ZNF337: variants seen among roughly 807,000 people sequenced by gnomAD.
ZNF337 encodes the protein zinc finger protein 337.
Under a neutral mutation model 12.1 loss-of-function variants are expected in ZNF337, and 8 were observed. The observed-to-expected ratio is 0.66, with a 90% CI of 0.39 to 1.19. The LOEUF is 1.19. Among genes scored for constraint, ZNF337 ranks in the 50% most tolerant of loss-of-function variants. The probability of loss-of-function intolerance (pLI) is 0.01; values close to 1 mark genes in which losing one functional copy is unlikely to be tolerated. For synonymous variants in ZNF337, 336 were observed against 320.0 expected (o/e 1.05, Z -0.53); for missense variants, 882 against 896.6 (o/e 0.98, Z 0.21).
chr20:25,677,269 C>A, intron 4 of ZNF337: 1 of 440,388 alleles, frequency 2.3e-6, no homozygotes, highest in Non-Finnish European at 4.0e-6. Context: ...AAGGACACAG[C>A]AAAAACAGAG....
chr20:25,676,413 T>G lies in ZNF337; in HGVS notation c.875A>C (p.Tyr292Ser). The change falls in exon 5 of 5, where the codon TAT becomes TCT. Residue 292 changes from tyrosine (Y) to serine (S), a missense_variant. Coordinates refer to ENST00000252979, the MANE Select transcript of ZNF337 (RefSeq NM_015655.4). ...CCTTCGCCCACACTCCTGGCATTCA[T>G]AAGGCTTCTCTCCTGTGTGTGTTCT... ...HERTHTGEKPYECQECGRRFN... is the reference protein window; with the variant it reads ...HERTHTGEKPSECQECGRRFN... 6.2e-7 allele frequency: 1 copy of G among 1,614,038 alleles called. No homozygotes were observed. The highest frequency in any genetic ancestry group is 8.5e-7 in the Non-Finnish European group (1 of 1,180,002).
At chr20:25,688,624 A>G (rs1373391213) in intron 1 of ZNF337, among the ~76,000 whole-genome samples, 1 of 152,214 alleles carries the variant, frequency 6.6e-6, no homozygotes, top group African/African-American at 2.4e-5. Flanking sequence ...TTTACCCTGA[A>G]TAGGTGTGAA....
chr20:25,680,169 G>C (rs1222873652), intron 4 of ZNF337, among the ~76,000 whole-genome samples: 1 of 152,128 alleles, frequency 6.6e-6, no homozygotes, highest in East Asian at 1.9e-4. Context: ...AAGAGCAGTT[G>C]ATTATGGGTA....
intron 1 of ZNF337, among the ~76,000 whole-genome samples, chr20:25,687,674 T>C (rs941279755): frequency 1.3e-5 from 2 of 152,238 alleles, no homozygotes; most frequent in African/African-American, 4.8e-5. Context: ...GAAGCTGCCT[T>C]TCCTTTTGTT....
chr20:25,675,529 G>C lies in ZNF337; in HGVS notation c.1759C>G (p.Leu587Val). The C allele has an allele frequency of 6.2e-7, 1 of 1,613,960 alleles. No homozygotes were observed. The highest frequency in any genetic ancestry group is 8.5e-7 in the Non-Finnish European group (1 of 1,179,982). ...CGRGFILKST[L>V]LFHQKTHSGE... ...GAGTGTGTCTTCTGGTGGAAGAGGA[G>C]AGTTGATTTTAGGATGAAGCCTCGC... is the stretch of plus-strand genomic sequence containing the variant. Residue 587 changes from leucine to valine, a missense_variant, in exon 5 of 5, where the codon CTC (leucine) becomes GTC (valine). Leu to Val is a conservative substitution (Grantham distance 32). Transcript: ENST00000252979.
rs1026415123 is a variant in ZNF337, at chr20:25,673,871, A to G, written c.*1161T>C. ...TTGTAGGCACTTTCCCTACATTTTCAAAGGCCTGCATCATCACATCTGCCA... is the reference window on the plus strand; with the variant it reads ...TTGTAGGCACTTTCCCTACATTTTCGAAGGCCTGCATCATCACATCTGCCA... On this transcript the variant is annotated 3_prime_UTR_variant, in exon 5 of 5. Coordinates refer to ENST00000252979, the MANE Select transcript of ZNF337 (RefSeq NM_015655.4). 3.5e-4 allele frequency: 54 copies of G among 152,272 alleles called. No individual in the cohort carries two copies. The highest frequency in any genetic ancestry group is 1.3e-3 in the African/African-American group (54 of 41,554). 9.4% of individuals were successfully genotyped at this position (152,272 alleles called of 1,614,324 possible).
intron 3 of ZNF337, 92 bp from the exon 4 acceptor site, chr20:25,685,754 A>G: frequency 3.2e-6 from 4 of 1,263,106 alleles, no homozygotes. Context: ...AGGGAGGGAG[A>G]ATCAGAGGGG....
rs181768215 is a variant in ZNF337, at chr20:25,688,600, A to G, written c.-49-2134T>C. Among the ~76,000 whole-genome samples the G allele has an allele frequency of 3.9e-5, 6 of 152,314 alleles. No individual in the cohort carries two copies. In the East Asian group the frequency reaches 1.2e-3, roughly 29 times the overall value. ...TTAAGGGAAATTCTTTCTATTCCTC[A>G]TTTACTGAGAATTTTTACCCTGAAT... On this transcript the variant is annotated intron_variant, in intron 1 of 4. Transcript: ENST00000252979.
At position 25,674,500 on chromosome 20, in the gene ZNF337, T is replaced by G. The variant is rs1477462963; in HGVS notation, c.*532A>C. 6.5e-6 allele frequency: 1 copy of G among 154,448 alleles called. No individual in the cohort carries two copies. The highest frequency in any genetic ancestry group is 1.9e-4 in the East Asian group (1 of 5,260). The allele number at this position is 154,448 out of a possible 1,614,324, so 9.6% of individuals were successfully genotyped here. ...ATCACTTCCCAAAGGTCCCACCTCC[T>G]AATACTTACACTGTTTCAACAGTAA... On this transcript the variant is annotated 3_prime_UTR_variant, in exon 5 of 5. Transcript: ENST00000252979.
chr20:25,685,926 G>A, intron 3 of ZNF337, 70 bp downstream of exon 3: 1 of 1,553,600 alleles, frequency 6.4e-7, no homozygotes, highest in East Asian at 2.2e-5. Context: ...TCTTGTCTCT[G>A]AACCTAACCC....
At position 25,685,207 on chromosome 20, in the gene ZNF337, A is replaced by T. The variant is rs190163006; in HGVS notation, c.250+360T>A. 1.4e-3 allele frequency among the ~76,000 whole-genome samples: 211 copies of T among 152,240 alleles called. 2 individuals are homozygous for T. The highest frequency in any genetic ancestry group is 2.1e-3 in the Non-Finnish European group (145 of 68,034). ...TATTTACTTACACAGAAAAATAATT[A>T]AAAAACAAAACAAAACAAAACAAAA... On this transcript the variant is annotated intron_variant, in intron 4 of 4. Transcript: ENST00000252979.
chr20:25,687,563 A>C (rs1188601853), intron 1 of ZNF337, among the ~76,000 whole-genome samples: 1 of 152,238 alleles, frequency 6.6e-6, no homozygotes, highest in Non-Finnish European at 1.5e-5. Context: ...TTGAGACAGA[A>C]GTGAACAAAT....
In ZNF337 at chr20:25,676,847, G is replaced by A; in HGVS notation, c.441C>T (p.Asn147=). The A allele has an allele frequency of 6.2e-7, 1 of 1,614,098 alleles. No individual in the cohort carries two copies. Among genetic ancestry groups the A allele is most frequent in the South Asian group, 1.1e-5 (1 of 91,070 alleles). The change falls in exon 5 of 5, where the codon AAC becomes AAT. Residue 147 remains asparagine, a synonymous_variant. Transcript: ENST00000252979. ...LRHAVSSRRR[N]SVVEIESSQG... ...GACTAGACTCTATTTCCACTACACTGTTCCTCCTCCTTGAGCTTACTGCAT... is the reference window on the plus strand; with the variant it reads ...GACTAGACTCTATTTCCACTACACTATTCCTCCTCCTTGAGCTTACTGCAT...
At chr20:25,678,787 G>C (rs191127865) in intron 4 of ZNF337, among the ~76,000 whole-genome samples, 1 of 151,606 alleles carries the variant, frequency 6.6e-6, no homozygotes, top group Non-Finnish European at 1.5e-5. Context: ...CATTACAAAA[G>C]GTTAAAAAAA....
chr20:25,676,734 C>T lies in ZNF337; in HGVS notation c.554G>A (p.Arg185His), dbSNP rs140373318. The change falls in exon 5 of 5, where the codon CGT becomes CAT. Residue 185 changes from arginine (R) to histidine (H), a missense_variant. Arg to His is a conservative substitution (Grantham distance 29, BLOSUM62 0). Coordinates refer to ENST00000252979, the MANE Select transcript of ZNF337 (RefSeq NM_015655.4). ...SRWGAFKCAE[R>H]GQDFSRKMMV... ...CATCTTCCGGCTGAAGTCTTGCCCA[C>T]GCTCTGCACACTTGAATGCTCCCCA... is the stretch of plus-strand genomic sequence containing the variant. 137 of 1,614,238 alleles carry T rather than the reference C, an allele frequency of 8.5e-5. No individual in the cohort carries two copies. The African/African-American group carries it at 1.3e-3, about 15-fold the overall frequency.
chr20:25,694,462 G>T (rs1167306255), intron 1 of ZNF337, among the ~76,000 whole-genome samples: 1 of 152,104 alleles, frequency 6.6e-6, no homozygotes, highest in Non-Finnish European at 1.5e-5. Context: ...TGACTGATGG[G>T]TCTCTCTACT....
rs1364976705 is a variant in ZNF337 at position 25,673,936 on chromosome 20, C to T, written c.*1096G>A. 6.6e-6 allele frequency: 1 copy of T among 152,176 alleles called. No homozygotes were observed. The highest frequency in any genetic ancestry group is 2.4e-5 in the African/African-American group (1 of 41,436). The allele number at this position is 152,176 out of a possible 1,614,324, so 9.4% of individuals were successfully genotyped here. A position where few individuals can be genotyped will look rare whatever the true frequency, so the allele number is the denominator to read the frequency against. ...ATTGAGGCATTTTCTCAGGAAATCA[C>T]CTGTGAAATATTTTGCAGCTAACCA... On this transcript the variant is annotated 3_prime_UTR_variant, in exon 5 of 5. Transcript: ENST00000252979.
Position 25,675,757 on chromosome 20 carries a change from A to T in ZNF337, c.1531T>A (p.Leu511Met), listed in dbSNP as rs146168838. Residue 511 changes from leucine (L) to methionine (M), a missense_variant, in exon 5 of 5, where the codon TTG becomes ATG. Transcript: ENST00000252979. ...CTGCAGAAAAAACGTTTCTCACCCAAGTGTGCCCTCAGGTGCTTGTTATAG... is the reference window on the plus strand; with the variant it reads ...CTGCAGAAAAAACGTTTCTCACCCATGTGTGCCCTCAGGTGCTTGTTATAG... Reference protein sequence around the residue: ...SSYNKHLRAHLGEKRFFCRDC... With the variant: ...SSYNKHLRAHMGEKRFFCRDC... The T allele has an allele frequency of 1.9e-4, 308 of 1,613,838 alleles. No homozygotes were observed. The highest frequency in any genetic ancestry group is 2.5e-4 in the Non-Finnish European group (294 of 1,180,012).
chr20:25,694,990 C>G (rs1360208967), intron 1 of ZNF337, among the ~76,000 whole-genome samples: 1 of 152,114 alleles, frequency 6.6e-6, no homozygotes, highest in Non-Finnish European at 1.5e-5. Context: ...GACAGCCAGC[C>G]TGACGCGCGG....
Sources: allele counts gnomAD v4.1 joint callset (sites outside exome capture counted in the v4.1 genomes callset), GRCh38; gene constraint gnomAD v4.1.1; transcripts MANE v1.5; gene names NCBI Gene and HGNC (gene_info 2026-07-23, HGNC 2026-07-21).